CACNA1D: variants seen among roughly 807,000 people sequenced by gnomAD.
The protein encoded by CACNA1D is voltage-dependent L-type calcium channel subunit alpha-1D.
A neutral mutation model predicts 257.1 loss-of-function variants in CACNA1D; 55 were observed. The ratio of observed to expected loss-of-function variants is 0.21; its 90% confidence interval spans 0.17 to 0.27. The LOEUF is 0.27. Ranked by LOEUF, CACNA1D falls within the 10% of genes least tolerant of loss-of-function variation. The pLI, the probability that CACNA1D is intolerant of heterozygous loss-of-function variation, is 1.00. For missense variants in CACNA1D, 1,876 were observed against 2,784.0 expected (o/e 0.67, Z 7.34); for synonymous variants, 980 against 1,014.9 (o/e 0.97, Z 0.65).
intron 3 of CACNA1D, among the ~76,000 whole-genome samples, chr3:53,562,342 G>T (rs1386291096): frequency 6.6e-6 from 1 of 152,142 alleles, no homozygotes; most frequent in African/African-American, 2.4e-5. Context: ...TGCATATTGA[G>T]CACTGCCATT....
At chr3:53,640,746 G>C (rs2093940719) in intron 3 of CACNA1D, among the ~76,000 whole-genome samples, 1 of 152,232 alleles carries the variant, frequency 6.6e-6, no homozygotes, top group Admixed American at 6.5e-5. Flanking sequence ...ATGGCAAACA[G>C]TTTCAACTTG....
chr3:53,529,612 A>G (rs913978472), intron 3 of CACNA1D, among the ~76,000 whole-genome samples: 1 of 152,274 alleles, frequency 6.6e-6, no homozygotes, highest in Admixed American at 6.5e-5. Flanking sequence ...TTAGGTAAAG[A>G]GTTAGAATTA....
Position 53,673,182 on chromosome 3 carries a change from C to A in CACNA1D, c.1220+56C>A. On this transcript the variant is annotated intron_variant, in intron 8 of 47. Transcript: ENST00000350061. The surrounding 1 kb of genome is among the most constrained non-coding windows in gnomAD (Gnocchi z 4.1). ...GAGTCCTGAGGACAGTTGCCAAGACCACACAAGCTTTGCTGGATGAGGGCC... is the reference window on the plus strand; with the variant it reads ...GAGTCCTGAGGACAGTTGCCAAGACAACACAAGCTTTGCTGGATGAGGGCC... The A allele has an allele frequency of 8.1e-7, 1 of 1,229,260 alleles. No homozygotes were observed. Among genetic ancestry groups the A allele is most frequent in the Non-Finnish European group, 1.2e-6 (1 of 855,478 alleles). The allele number at this position is 1,229,260 out of a possible 1,614,324, so 76.1% of individuals were successfully genotyped here.
chr3:53,698,449 G>A (rs148669209), intron 8 of CACNA1D, among the ~76,000 whole-genome samples: 4 of 152,328 alleles, frequency 2.6e-5, no homozygotes, highest in Non-Finnish European at 5.9e-5. Context: ...AGAGTATGTC[G>A]TCAAATATTC....
intron 27 of CACNA1D, among the ~76,000 whole-genome samples, 189 bp downstream of exon 27, chr3:53,749,658 A>G (rs755799957): frequency 6.6e-6 from 1 of 152,238 alleles, no homozygotes; most frequent in African/African-American, 2.4e-5. Flanking sequence ...TTCCCGATAC[A>G]TATGAGACTT....
At chr3:53,734,026 A>G (rs202108384) in intron 19 of CACNA1D, among the ~76,000 whole-genome samples, 39,430 of 85,780 alleles carry the variant, frequency 0.46, 6,619 homozygotes, top group East Asian at 0.56. Context: ...GTATATATAT[A>G]TATATATATA....
Position 53,731,076 on chromosome 3 carries a change from G to T in CACNA1D, c.2337-1G>T. 6.3e-7 allele frequency: 1 copy of T among 1,592,040 alleles called. No homozygotes were observed. The highest frequency in any genetic ancestry group is 8.6e-7 in the Non-Finnish European group (1 of 1,160,216). ...CTTGTGCTCTTTTCTCTTCTCTTTA[G>T]AAAAGAGAGCCTAGAAAATAAAAAG... On this transcript the variant is annotated splice_acceptor_variant, in intron 16 of 47. Transcript: ENST00000350061. LOFTEE classifies it high-confidence loss of function.
At chr3:53,566,282 A>G (rs975652111) in intron 3 of CACNA1D, among the ~76,000 whole-genome samples, 2 of 152,124 alleles carry the variant, frequency 1.3e-5, no homozygotes, top group African/African-American at 2.4e-5. Context: ...TCTCTCTGCA[A>G]GAGTGACTGC....
At chr3:53,660,386 G>T in intron 5 of CACNA1D, 111 bp downstream of exon 5, 1 of 990,208 alleles carries the variant, frequency 1.0e-6, no homozygotes, top group Non-Finnish European at 1.6e-6. Flanking sequence ...CCAGGGGTCA[G>T]CAGATGACCA....
intron 39 of CACNA1D, chr3:53,782,309 A>C (rs1435862423): frequency 1.9e-5 from 2 of 103,992 alleles, no homozygotes; most frequent in African/African-American, 8.2e-5. Flanking sequence ...CTGGCTTTGC[A>C]TTTTTATTTA....
chr3:53,800,219 T>C lies in CACNA1D; in HGVS notation c.4924-30T>C. On this transcript the variant is annotated intron_variant, in intron 40 of 47. Transcript: ENST00000350061. The surrounding 1 kb of genome is among the most constrained non-coding windows in gnomAD (Gnocchi z 4.3). ...CTGGCCCCAGGGCCCATGTGTGGTC[T>C]AACCTGTTCTGCCATTTTCATTGAT... is the stretch of plus-strand genomic sequence containing the variant. 6.6e-7 allele frequency: 1 copy of C among 1,504,100 alleles called. No individual in the cohort carries two copies. Among genetic ancestry groups the C allele is most frequent in the East Asian group, 2.3e-5 (1 of 44,354 alleles). The allele number at this position is 1,504,100 out of a possible 1,614,324, so 93.2% of individuals were successfully genotyped here.
chr3:53,768,960 C>T lies in CACNA1D; in HGVS notation c.3871-1013C>T, dbSNP rs930900019. Among the ~76,000 whole-genome samples the T allele has an allele frequency of 7.2e-5, 11 of 152,216 alleles. 1 individual carries two copies. The highest frequency in any genetic ancestry group is 5.9e-4 in the Admixed American group (9 of 15,292). ...CCGGAAGAGCCTCATTTCTCTCTGTCGGCTCCTGGTGACACCACTGAGGGG... is the reference window on the plus strand; with the variant it reads ...CCGGAAGAGCCTCATTTCTCTCTGTTGGCTCCTGGTGACACCACTGAGGGG... On this transcript the variant is annotated intron_variant, in intron 30 of 47. Coordinates refer to ENST00000350061, the MANE Select transcript of CACNA1D (RefSeq NM_001128840.3).
intron 8 of CACNA1D, among the ~76,000 whole-genome samples, chr3:53,689,078 T>A (rs1445394208): frequency 6.6e-6 from 1 of 152,172 alleles, no homozygotes; most frequent in African/African-American, 2.4e-5. Context: ...AACCTGTACC[T>A]ATCAGTATGC....
At chr3:53,545,970 A>G (rs1461517920) in intron 3 of CACNA1D, among the ~76,000 whole-genome samples, 1 of 152,182 alleles carries the variant, frequency 6.6e-6, no homozygotes, top group African/African-American at 2.4e-5. Flanking sequence ...TAGCAGTGTG[A>G]ATCAGTGCCT....
chr3:53,611,645 A>G (rs1229825101), intron 3 of CACNA1D, among the ~76,000 whole-genome samples: 1 of 152,128 alleles, frequency 6.6e-6, no homozygotes, highest in Non-Finnish European at 1.5e-5. Flanking sequence ...TACATGTATT[A>G]ACCCAGTTGA....
rs764547242 is a variant in CACNA1D, at chr3:53,666,443, G to A, written c.1024G>A (p.Gly342Arg). 1.9e-6 allele frequency: 3 copies of A among 1,614,172 alleles called. No individual in the cohort carries two copies. The highest frequency in any genetic ancestry group is 1.7e-6 in the Non-Finnish European group (2 of 1,180,014). ...TAGGAGTGGCTGGGTTGGCCCGAACGGAGGCATCACCAACTTTGATAACTT... is the reference window on the plus strand; with the variant it reads ...TAGGAGTGGCTGGGTTGGCCCGAACAGAGGCATCACCAACTTTGATAACTT... ...ECRSGWVGPN[G>R]GITNFDNFAF... The change falls in exon 7 of 48, where the codon GGA becomes AGA. Residue 342 changes from glycine to arginine, a missense_variant. Around this residue, in one of 10 missense-constraint regions of CACNA1D, gnomAD observed 188 missense variants for 390.4 expected, o/e 0.48. Transcript: ENST00000350061.
chr3:53,795,377 C>T (rs62250900), intron 40 of CACNA1D, among the ~76,000 whole-genome samples: 45,296 of 152,056 alleles, frequency 0.3, 7,113 homozygotes, highest in Non-Finnish European at 0.34. Context: ...TCCAATCCAG[C>T]GTTCTTTCCC....
At chr3:53,631,921 C>T (rs1275892759) in intron 3 of CACNA1D, among the ~76,000 whole-genome samples, 1 of 152,200 alleles carries the variant, frequency 6.6e-6, no homozygotes, top group East Asian at 1.9e-4. Flanking sequence ...GATGTGCTGT[C>T]ACTCAGGCTT....
At chr3:53,683,124 G>C (rs943034984) in intron 8 of CACNA1D, among the ~76,000 whole-genome samples, 7 of 152,148 alleles carry the variant, frequency 4.6e-5, no homozygotes, top group African/African-American at 1.4e-4. Flanking sequence ...GCAGAGAAGG[G>C]GCTCCAGTAC....
Sources: gnomAD v4.1 joint callset for allele counts (sites outside exome capture counted in the v4.1 genomes callset) on GRCh38, gnomAD v4.1.1 for gene constraint, gnomAD v4.1.1 regional missense constraint, Gnocchi (gnomAD v3.1) non-coding constraint, MANE v1.5 for transcripts, NCBI Gene and HGNC (gene_info 2026-07-23, HGNC 2026-07-21) for gene names.